Variants in PDE4D observed in about 807,000 individuals in gnomAD.
The protein encoded by PDE4D is phosphodiesterase 4D.
A neutral mutation model predicts 87.4 loss-of-function variants in PDE4D; 24 were observed. The observed-to-expected ratio is 0.27, with a 90% CI of 0.20 to 0.39. PDE4D has a LOEUF of 0.39. PDE4D is among the 10% of genes least tolerant of loss of function. The pLI, the probability that PDE4D is intolerant of heterozygous loss-of-function variation, is 1.00. For missense variants in PDE4D, 714 were observed against 1,041.0 expected, an observed-to-expected ratio of 0.69 and a Z score of 4.32; for synonymous variants, 384 against 383.2, an observed-to-expected ratio of 1.00 and a Z score of -0.02.
At chr5:59,513,558 T>C (rs1262558759) in intron 1 of PDE4D, among the ~76,000 whole-genome samples, 1 of 152,164 alleles carries the variant, frequency 6.6e-6, no homozygotes, top group African/African-American at 2.4e-5. Flanking sequence ...GACTACATGA[T>C]TTGTGCAGTT....
intron 5 of PDE4D, among the ~76,000 whole-genome samples, chr5:59,111,444 A>G: frequency 6.6e-6 from 1 of 152,152 alleles, no homozygotes; most frequent in East Asian, 1.9e-4. Context: ...TTAGGATCCC[A>G]CTTTCCAATA....
rs11451682 is a variant in PDE4D, at chr5:60,185,936, G to GA, written c.-89-250dup. On this transcript the variant is annotated intron_variant, in intron 1 of 16. Coordinates refer to the PDE4D transcript ENST00000502484. ...ATTCAACTCTACAGTTTTAGTGGCT[G>GA]AAAAAAAAAAAAAACAGATATGATA... 0.46 allele frequency among the ~76,000 whole-genome samples: 63,905 copies of GA among 139,108 alleles called. 14,137 individuals are homozygous for GA. The highest frequency in any genetic ancestry group is 0.51 in the African/African-American group (19,370 of 37,884). The allele number at this position is 139,108 out of a possible 152,430, so 91.3% of individuals were successfully genotyped here.
intron 1 of PDE4D, among the ~76,000 whole-genome samples, chr5:60,287,405 ATTGC>A (rs1285354116): frequency 6.6e-6 from 1 of 152,194 alleles, no homozygotes; most frequent in Non-Finnish European, 1.5e-5. Flanking sequence ...TTAGGGCACC[ATTGC>A]TTGCCTCTTG....
chr5:59,458,242 T>C (rs1800220181), intron 1 of PDE4D, among the ~76,000 whole-genome samples: 1 of 152,236 alleles, frequency 6.6e-6, no homozygotes, highest in African/African-American at 2.4e-5. Flanking sequence ...AGAAAGAAAC[T>C]ATTAATTTTG....
intron 1 of PDE4D, among the ~76,000 whole-genome samples, chr5:60,263,113 C>T (rs551838786): frequency 2.6e-4 from 39 of 152,282 alleles, no homozygotes; most frequent in African/African-American, 8.2e-4. Flanking sequence ...TCTGTGCTAA[C>T]GCCCACCTGT....
chr5:59,441,570 CT>C, intron 1 of PDE4D, among the ~76,000 whole-genome samples: 1 of 152,180 alleles, frequency 6.6e-6, no homozygotes, highest in Non-Finnish European at 1.5e-5. Context: ...TGTTGATTTC[CT>C]CTTAACCTGT....
chr5:59,086,140 A>T (rs2153425995), intron 5 of PDE4D, among the ~76,000 whole-genome samples: 1 of 152,324 alleles, frequency 6.6e-6, no homozygotes, highest in East Asian at 1.9e-4. Flanking sequence ...AGGGTCACAT[A>T]GCTAAAAGTG....
chr5:60,356,730 T>C (rs987321640), intron 1 of PDE4D, among the ~76,000 whole-genome samples: 2 of 152,140 alleles, frequency 1.3e-5, no homozygotes, highest in Admixed American at 6.6e-5. Context: ...AGTGAGTAAA[T>C]AAATGATGTT....
chr5:60,310,464 T>G (rs1487681022), intron 1 of PDE4D, among the ~76,000 whole-genome samples: 1 of 152,176 alleles, frequency 6.6e-6, no homozygotes, highest in East Asian at 1.9e-4. Context: ...GGAGAGGAAC[T>G]GAAGTTTATT....
intron 1 of PDE4D, among the ~76,000 whole-genome samples, chr5:59,645,222 C>T (rs1742250609): frequency 6.6e-6 from 1 of 152,104 alleles, no homozygotes; most frequent in Admixed American, 6.5e-5. Context: ...CTGTCTACCA[C>T]AGAGGTGGAT....
At chr5:60,512,907 G>A (rs188816167) in intron 1 of PDE4D, among the ~76,000 whole-genome samples, 4 of 152,212 alleles carry the variant, frequency 2.6e-5, no homozygotes, top group East Asian at 3.9e-4. Context: ...AATGTCCTGA[G>A]GGGGTTAATA....
rs1743440744 is a variant in PDE4D, at chr5:58,975,316, A to G, written c.2014-236T>C. Among the ~76,000 whole-genome samples the G allele has an allele frequency of 6.6e-6, 1 of 152,212 alleles. No individual in the cohort carries two copies. Among genetic ancestry groups the G allele is most frequent in the Admixed American group, 6.5e-5 (1 of 15,278 alleles). The stretch of plus-strand genomic sequence containing the variant: ...TAAAGAGCATGTTCTATAGCATAAA[A>G]AATTTTCCAGTTGTTGACATGGTAG... On this transcript the variant is annotated intron_variant, in intron 14 of 14. Transcript: ENST00000340635. The surrounding 1 kb of genome is among the most constrained non-coding windows in gnomAD (Gnocchi z 4.2).
intron 3 of PDE4D, among the ~76,000 whole-genome samples, chr5:59,985,799 T>C (rs533177762): frequency 7.6e-4 from 116 of 152,344 alleles, no homozygotes; most frequent in Middle Eastern, 3.4e-3. Context: ...ATTCTTGCAA[T>C]TGGCCCTGTG....
chr5:59,031,367 ATATATATATATATATATATATATAT>A (rs1429154235), intron 6 of PDE4D, among the ~76,000 whole-genome samples: 17 of 32,462 alleles, frequency 5.2e-4, no homozygotes, highest in East Asian at 1.8e-3. Context: ...AATGTGATAT[ATATATATATATATATATATATATAT>A]TATATATATA....
intron 1 of PDE4D, among the ~76,000 whole-genome samples, chr5:60,289,756 T>G (rs910286685): frequency 6.6e-6 from 1 of 152,176 alleles, no homozygotes; most frequent in Non-Finnish European, 1.5e-5. Flanking sequence ...AAACTATAAT[T>G]AAATGTGCAA....
intron 1 of PDE4D, among the ~76,000 whole-genome samples, chr5:59,728,634 G>A (rs1228297036): frequency 1.3e-5 from 2 of 152,030 alleles, no homozygotes; most frequent in Non-Finnish European, 2.9e-5. Flanking sequence ...AATTATTCAT[G>A]ATTTTAAATT....
intron 1 of PDE4D, among the ~76,000 whole-genome samples, chr5:59,677,735 C>T (rs926902145): frequency 1.1e-4 from 17 of 152,130 alleles, no homozygotes; most frequent in Non-Finnish European, 1.2e-4. Flanking sequence ...AAAGGGTTTC[C>T]GAATCAGCCC....
chr5:60,132,167 G>C (rs750755764), intron 2 of PDE4D, among the ~76,000 whole-genome samples: 2 of 152,136 alleles, frequency 1.3e-5, no homozygotes, highest in African/African-American at 4.8e-5. Flanking sequence ...CTAAGTTAAT[G>C]AGTATTTATT....
chr5:59,791,650 C>G (rs773464955), intron 1 of PDE4D, among the ~76,000 whole-genome samples: 7 of 152,302 alleles, frequency 4.6e-5, no homozygotes, highest in Non-Finnish European at 1.0e-4. Context: ...CAATTACAGT[C>G]AGTCACAAGA....
Sources: allele counts gnomAD v4.1 joint callset (sites outside exome capture counted in the v4.1 genomes callset), GRCh38; gene constraint gnomAD v4.1.1; non-coding constraint Gnocchi (gnomAD v3.1); transcripts MANE v1.5; gene names NCBI Gene and HGNC (gene_info 2026-07-23, HGNC 2026-07-21).